Variants in MSANTD2 observed in about 807,000 individuals in gnomAD.
MSANTD2 encodes myb/SANT-like DNA-binding domain-containing protein 2.
A neutral mutation model predicts 52.6 loss-of-function variants in MSANTD2; 19 were observed. The ratio of observed to expected loss-of-function variants is 0.36; its 90% CI spans 0.25 to 0.53. The LOEUF (loss-of-function observed/expected upper bound fraction) is 0.53, where lower values mean the gene tolerates loss of function less well. Ranked by LOEUF, MSANTD2 falls within the 20% of genes least tolerant of loss-of-function variation. The probability of loss-of-function intolerance (pLI) is 0.91; values close to 1 mark genes in which losing one functional copy is unlikely to be tolerated. For synonymous variants in MSANTD2, 291 were observed against 289.7 expected (o/e 1.00, Z -0.04); for missense variants, 558 against 716.3 (o/e 0.78, Z 2.52).
At chr11:124,775,502 T>C (rs992741856) in intron 1 of MSANTD2, 2 of 154,516 alleles carry the variant, frequency 1.3e-5, no homozygotes, top group African/African-American at 4.8e-5. Flanking sequence ...TAAAACATAT[T>C]ACTTACATAG....
At chr11:124,773,634 C>A (rs1160611492) in intron 2 of MSANTD2, among the ~76,000 whole-genome samples, 2 of 152,162 alleles carry the variant, frequency 1.3e-5, no homozygotes, top group Admixed American at 6.5e-5. Context: ...AGTTTTATAA[C>A]CTCTTTCTTC....
chr11:124,766,997 G>A lies in MSANTD2; in HGVS notation c.*179C>T. On this transcript the variant is annotated 3_prime_UTR_variant, in exon 4 of 4. Transcript: ENST00000374979. ...TTGCTCAAAATGAGCATTTTCAGGT[G>A]AGGTCTGTTTTTTCTGGCCCAAGTC... 4 of 593,474 alleles carry A rather than the reference G, an allele frequency of 6.7e-6. No homozygotes were observed. Among genetic ancestry groups the A allele is most frequent in the Non-Finnish European group, 1.1e-5 (4 of 350,446 alleles). The allele number at this position is 593,474 out of a possible 1,614,324, so 36.8% of individuals were successfully genotyped here.
intron 1 of MSANTD2, chr11:124,790,991 A>T: frequency 2.6e-6 from 1 of 388,396 alleles, no homozygotes; most frequent in Non-Finnish European, 4.8e-6. Context: ...CTTTTATTTA[A>T]CTGTAGGTTA....
At chr11:124,791,325 G>T in intron 1 of MSANTD2, 1 of 1,428,178 alleles carries the variant, frequency 7.0e-7, no homozygotes, top group Admixed American at 1.7e-5. Context: ...CCAGGAGAGA[G>T]ACTCTGGCCC....
chr11:124,789,070 A>C (rs1042443823), intron 1 of MSANTD2, among the ~76,000 whole-genome samples: 1 of 152,198 alleles, frequency 6.6e-6, no homozygotes, highest in African/African-American at 2.4e-5. Flanking sequence ...GGTGCAATAC[A>C]TCTTTGATGA....
chr11:124,792,934 C>T (rs907506998), intron 1 of MSANTD2: 2 of 152,156 alleles, frequency 1.3e-5, no homozygotes, highest in East Asian at 3.9e-4. Flanking sequence ...CCCCTGTAAC[C>T]TTTCCCTGTT....
At chr11:124,778,215 C>A (rs1321319708) in intron 1 of MSANTD2, among the ~76,000 whole-genome samples, 1 of 152,170 alleles carries the variant, frequency 6.6e-6, no homozygotes, top group Non-Finnish European at 1.5e-5. Flanking sequence ...CCAACAAGAA[C>A]CTCAATTTGG....
chr11:124,799,907 G>A lies in MSANTD2; in HGVS notation c.474C>T (p.Tyr158=). The A allele has an allele frequency of 6.3e-7, 1 of 1,585,308 alleles. No homozygotes were observed. The highest frequency in any genetic ancestry group is 8.5e-7 in the Non-Finnish European group (1 of 1,173,966). ...CCCGGCACTGGGACGGGGTCCGCTC[G>A]TAGCCCAGCTCGGCCAGGGCCCGGG... The part of the protein sequence containing the change: ...RVSRALAELG[Y]ERTPSQCRER... The change falls in exon 1 of 4, where the codon TAC becomes TAT. Residue 158 remains tyrosine (Y), a synonymous_variant. Transcript: ENST00000374979.
At chr11:124,788,921 T>C (rs778852044) in intron 1 of MSANTD2, among the ~76,000 whole-genome samples, 2 of 152,336 alleles carry the variant, frequency 1.3e-5, no homozygotes, top group Non-Finnish European at 1.5e-5. Context: ...TTTTCCCTAA[T>C]TGTGTTAATT....
chr11:124,769,013 C>T (rs1393350246), intron 3 of MSANTD2, among the ~76,000 whole-genome samples: 3 of 152,164 alleles, frequency 2.0e-5, no homozygotes, highest in African/African-American at 2.4e-5. Context: ...ACATCAATTA[C>T]GGGTTTAACC....
intron 1 of MSANTD2, chr11:124,775,837 T>C (rs549527329): frequency 1.3e-5 from 2 of 152,380 alleles, no homozygotes; most frequent in South Asian, 2.1e-4. Context: ...ATAATTTTAT[T>C]CTCTTGTACA....
intron 1 of MSANTD2, chr11:124,784,078 G>A (rs1050585935): frequency 1.0e-6 from 1 of 985,004 alleles, no homozygotes; most frequent in African/African-American, 1.8e-5. Context: ...CAGTATATAA[G>A]CAGCAATAGG....
intron 2 of MSANTD2, among the ~76,000 whole-genome samples, chr11:124,773,829 C>G (rs892492129): frequency 6.6e-5 from 10 of 152,212 alleles, no homozygotes; most frequent in African/African-American, 2.4e-4. Context: ...CCTACTTATA[C>G]TTCCTTGGGG....
At chr11:124,786,437 T>C (rs1173511226) in intron 1 of MSANTD2, among the ~76,000 whole-genome samples, 1 of 152,242 alleles carries the variant, frequency 6.6e-6, no homozygotes. Context: ...ATGGCAGGCA[T>C]AAGGTAGTGA....
At position 124,798,143 on chromosome 11, in the gene MSANTD2, C is replaced by G. The variant is rs553564386; in HGVS notation, c.510+1728G>C. 3.0e-4 allele frequency among the ~76,000 whole-genome samples: 45 copies of G among 150,548 alleles called. No individual in the cohort carries two copies. In the South Asian group the frequency reaches 9.0e-3, roughly 30 times the overall value. On this transcript the variant is annotated intron_variant, in intron 1 of 3. Transcript: ENST00000374979. ...CTTGGCTGGGCACGGTGGCTCACGC[C>G]TGTAATCCTAGTGCTTTGGGAGACT...
At chr11:124,784,121 C>T (rs1279508448) in intron 1 of MSANTD2, 1 of 984,604 alleles carries the variant, frequency 1.0e-6, no homozygotes, top group African/African-American at 1.8e-5. Context: ...TAGCAGATAA[C>T]ACTATTTGTC....
intron 1 of MSANTD2, among the ~76,000 whole-genome samples, chr11:124,783,519 C>A (rs949452825): frequency 6.6e-6 from 1 of 152,034 alleles, no homozygotes; most frequent in African/African-American, 2.4e-5. Context: ...ACTTGGGAGG[C>A]TGAGGCATGA....
chr11:124,788,909 CT>C (rs1402097080), intron 1 of MSANTD2, among the ~76,000 whole-genome samples: 1 of 152,164 alleles, frequency 6.6e-6, no homozygotes, highest in African/African-American at 2.4e-5. Context: ...ATTTGAGGGT[CT>C]TTTTCCCTAA....
intron 1 of MSANTD2, among the ~76,000 whole-genome samples, chr11:124,787,674 G>A (rs181998564): frequency 1.3e-5 from 2 of 152,210 alleles, no homozygotes; most frequent in African/African-American, 4.8e-5. Context: ...GAACTCTATA[G>A]GTAAAAGGAG....
Sources: allele counts gnomAD v4.1 joint callset (sites outside exome capture counted in the v4.1 genomes callset), GRCh38; gene constraint gnomAD v4.1.1; transcripts MANE v1.5; gene names NCBI Gene and HGNC (gene_info 2026-07-23, HGNC 2026-07-21).